The following SLC48A1 variants were observed in gnomAD, a reference collection of about 807,000 sequenced individuals.
The protein encoded by SLC48A1 is heme transporter HRG1.
In SLC48A1, 6 loss-of-function variants were observed where a neutral mutation model predicts 14.8. The observed-to-expected ratio is 0.41, with a 90% confidence interval of 0.22 to 0.80. The LOEUF is 0.80. Ranked by LOEUF, SLC48A1 falls within the 30% of genes least tolerant of loss-of-function variation. The probability of loss-of-function intolerance (pLI) is 0.34; values close to 1 mark genes in which losing one functional copy is unlikely to be tolerated. For synonymous variants in SLC48A1, 89 were observed against 90.0 expected (o/e 0.99, Z 0.06); for missense variants, 165 against 204.8 (o/e 0.81, Z 1.19).
upstream of SLC48A1, among the ~76,000 whole-genome samples, chr12:47,771,875 G>A (rs984784761): frequency 6.6e-6 from 1 of 151,802 alleles, no homozygotes; most frequent in East Asian, 1.9e-4. Flanking sequence ...AGAGATTGCA[G>A]TGAGCTGAGA....
chr12:47,773,875 C>T (rs1468256234), intron 1 of SLC48A1, among the ~76,000 whole-genome samples: 1 of 152,240 alleles, frequency 6.6e-6, no homozygotes, highest in Non-Finnish European at 1.5e-5. Flanking sequence ...CCCCCAGGCG[C>T]CCCTTCCCTG....
At chr12:47,755,211 C>T (rs994034253), upstream of SLC48A1, among the ~76,000 whole-genome samples, 6 of 152,144 alleles carry the variant, frequency 3.9e-5, no homozygotes, top group South Asian at 4.1e-4. Flanking sequence ...TTAGCAGCTG[C>T]GTAACTCTGA....
upstream of SLC48A1, among the ~76,000 whole-genome samples, chr12:47,772,540 G>A (rs1335648505): frequency 6.6e-6 from 1 of 152,188 alleles, no homozygotes; most frequent in East Asian, 1.9e-4. Flanking sequence ...CTAGCCAGGC[G>A]TGGTGGCACA....
At chr12:47,758,490 G>A (rs1942238262), upstream of SLC48A1, 3 of 1,589,528 alleles carry the variant, frequency 1.9e-6, no homozygotes, top group South Asian at 1.1e-5. Context: ...ACTCCCCACC[G>A]TGTCAGCTTC....
upstream of SLC48A1, chr12:47,769,516 T>C (rs1035157347): frequency 6.6e-6 from 1 of 152,258 alleles, no homozygotes; most frequent in African/African-American, 2.4e-5. Context: ...TGAAATAACC[T>C]TGTGAATGCT....
intron 1 of SLC48A1, 163 bp from the exon 2 acceptor site, chr12:47,778,865 C>A: frequency 1.3e-6 from 1 of 762,218 alleles, no homozygotes; most frequent in African/African-American, 1.8e-5. Flanking sequence ...CAGTCTCTTA[C>A]CTGCTTCTGA....
rs1039750832 is a variant in SLC48A1, at chr12:47,777,064, A to G, written c.137-1964A>G. Among the ~76,000 whole-genome samples the G allele has an allele frequency of 3.2e-4, 49 of 152,072 alleles. No homozygotes were observed. Among genetic ancestry groups the G allele is most frequent in the Admixed American group, 5.2e-4 (8 of 15,266 alleles). ...CTCAGTGACAACACCCCTTGTTCCC[A>G]GGGCCCTTTATAAACCAAACAGCTC... On this transcript the variant is annotated intron_variant, in intron 1 of 2. Transcript: ENST00000442218. The surrounding 1 kb of genome is among the most constrained non-coding windows in gnomAD (Gnocchi z 4.5).
At chr12:47,755,439 G>A (rs1429537371), upstream of SLC48A1, among the ~76,000 whole-genome samples, 1 of 151,994 alleles carries the variant, frequency 6.6e-6, no homozygotes, top group Admixed American at 6.6e-5. Context: ...TACAAAACAG[G>A]GCCACTTCCC....
chr12:47,773,981 G>A (rs1300784037), intron 1 of SLC48A1, among the ~76,000 whole-genome samples: 1 of 152,240 alleles, frequency 6.6e-6, no homozygotes, highest in Non-Finnish European at 1.5e-5. Flanking sequence ...GGGCTCCCCC[G>A]CAGAGCCCTC....
chr12:47,759,126 G>C, intron 1 of SLC48A1: 3 of 984,198 alleles, frequency 3.0e-6, no homozygotes, highest in South Asian at 9.4e-5. Flanking sequence ...AGGCCGCAAC[G>C]GCCGGGGTGT....
At chr12:47,756,893 T>C (rs1049928482), upstream of SLC48A1, among the ~76,000 whole-genome samples, 12 of 150,894 alleles carry the variant, frequency 8.0e-5, no homozygotes, top group African/African-American at 2.9e-4. Flanking sequence ...CACTTGAACC[T>C]GGGAGGCAGA....
upstream of SLC48A1, among the ~76,000 whole-genome samples, chr12:47,771,885 A>G (rs1457898648): frequency 6.6e-6 from 1 of 151,812 alleles, no homozygotes; most frequent in Non-Finnish European, 1.5e-5. Flanking sequence ...GTGAGCTGAG[A>G]TCACGCCACT....
upstream of SLC48A1, among the ~76,000 whole-genome samples, chr12:47,767,234 A>G (rs576934244): frequency 1.3e-5 from 2 of 152,246 alleles, no homozygotes; most frequent in East Asian, 1.9e-4. Flanking sequence ...CATAAGGTCT[A>G]GGGAGAATCC....
rs1447666810 is a variant in SLC48A1, at chr12:47,780,163, G to A, written c.323G>A (p.Ser108Asn). The change falls in exon 3 of 3, where the codon AGC (serine) becomes AAC (asparagine). Residue 108 changes from serine to asparagine, a missense_variant. Ser to Asn is a conservative substitution (Grantham distance 46, BLOSUM62 1). Coordinates refer to ENST00000442218, the MANE Select transcript of SLC48A1 (RefSeq NM_017842.3). ...TRHQSLTDPT[S>N]YYLSSVWSFI... ...CCTGCAGGCCTCACAGACCCCACCA[G>A]CTACTACCTCTCCAGCGTCTGGAGC... 3 of 1,608,494 alleles carry A rather than the reference G, an allele frequency of 1.9e-6. No homozygotes were observed. Among genetic ancestry groups the A allele is most frequent in the South Asian group, 2.2e-5 (2 of 90,090 alleles).
At chr12:47,773,096 C>T, upstream of SLC48A1, 1 of 695,532 alleles carries the variant, frequency 1.4e-6, no homozygotes, top group Non-Finnish European at 1.8e-6. Context: ...ACGGCAGCTT[C>T]GCAAAGCGGC....
intron 2 of SLC48A1, among the ~76,000 whole-genome samples, chr12:47,779,603 G>T (rs1942823254): frequency 6.6e-6 from 1 of 152,186 alleles, no homozygotes; most frequent in Admixed American, 6.5e-5. Context: ...ATACAGACCT[G>T]TGATTGGCCA....
upstream of SLC48A1, chr12:47,758,437 C>T: frequency 1.9e-6 from 3 of 1,571,882 alleles, no homozygotes; most frequent in Admixed American, 1.8e-5. Context: ...AAACCCTTCT[C>T]CTCTCCTCCT....
rs1942783478 is a variant in SLC48A1, at chr12:47,777,705, G to A, written c.137-1323G>A. Among the ~76,000 whole-genome samples the A allele has an allele frequency of 6.6e-6, 1 of 152,158 alleles. No individual in the cohort carries two copies. ...TGAAATATTTTAGGCACACAAAAAA[G>A]GATAGATGATTTAACAAACACCCTT... On this transcript the variant is annotated intron_variant, in intron 1 of 2. Coordinates refer to ENST00000442218, the MANE Select transcript of SLC48A1 (RefSeq NM_017842.3). The surrounding 1 kb of genome is among the most constrained non-coding windows in gnomAD (Gnocchi z 4.5).
At chr12:47,775,890 CT>C (rs150281973) in intron 1 of SLC48A1, among the ~76,000 whole-genome samples, 1 of 152,242 alleles carries the variant, frequency 6.6e-6, no homozygotes, top group Non-Finnish European at 1.5e-5. Context: ...ACTGGCTTTC[CT>C]GGGGAGGCGG....
Sources: allele counts gnomAD v4.1 joint callset (sites outside exome capture counted in the v4.1 genomes callset), GRCh38; gene constraint gnomAD v4.1.1; non-coding constraint Gnocchi (gnomAD v3.1); transcripts MANE v1.5; gene names NCBI Gene and HGNC (gene_info 2026-07-23, HGNC 2026-07-21).